The following TLCD4 variants were observed in gnomAD, a reference collection of about 807,000 sequenced individuals.
The protein encoded by TLCD4 is TLC domain containing 4.
A neutral mutation model predicts 24.2 loss-of-function variants in TLCD4; 7 were observed. The ratio of observed to expected loss-of-function variants is 0.29; its 90% CI spans 0.16 to 0.54. TLCD4 has a LOEUF of 0.54. Among genes scored for constraint, TLCD4 ranks in the 20% least tolerant of loss-of-function variants. The probability of loss-of-function intolerance (pLI) is 0.95; values close to 1 mark genes in which losing one functional copy is unlikely to be tolerated. For synonymous variants in TLCD4, 103 were observed against 106.4 expected, an observed-to-expected ratio of 0.97 and a Z score of 0.20; for missense variants, 259 against 313.9, an observed-to-expected ratio of 0.82 and a Z score of 1.32.
In TLCD4 at chr1:95,141,082, A is replaced by G. The variant is rs554019433; in HGVS notation, c.-11-2809A>G. ...TTAATGGAAGTCACAGCTTGAATATATGGAGCTCTTTATTTAGTTTTAAAT... is the reference window on the plus strand; with the variant it reads ...TTAATGGAAGTCACAGCTTGAATATGTGGAGCTCTTTATTTAGTTTTAAAT... On this transcript the variant is annotated intron_variant, in intron 1 of 6. Transcript: ENST00000370203. Among the ~76,000 whole-genome samples, 3 of 152,320 alleles carry G rather than the reference A, an allele frequency of 2.0e-5. No individual in the cohort carries two copies. The East Asian group carries it at 5.8e-4, about 29-fold the overall frequency.
chr1:95,093,157 C>T, the TLCD4 span, among the ~76,000 whole-genome samples: 6 of 152,314 alleles, frequency 3.9e-5, no homozygotes, highest in East Asian at 1.2e-3. Flanking sequence ...CCAACATCCA[C>T]TTCAATTTTT....
At position 95,153,291 on chromosome 1, in the gene TLCD4, G is replaced by A. The variant is rs532606445; in HGVS notation, c.399+1872G>A. Among the ~76,000 whole-genome samples, 5 of 151,868 alleles carry A rather than the reference G, an allele frequency of 3.3e-5. No homozygotes were observed. In the South Asian group the frequency reaches 1.0e-3, roughly 32 times the overall value. On this transcript the variant is annotated intron_variant, in intron 5 of 6. Coordinates refer to ENST00000370203, the MANE Select transcript of TLCD4 (RefSeq NM_152487.3). ...TTGTACACTTAAAAGTTGTCAAAAG[G>A]GTAAATTTTATGTCATATATATTTT... is the stretch of plus-strand genomic sequence containing the variant.
chr1:95,172,384 T>G (rs1454033848), intron 5 of TLCD4, among the ~76,000 whole-genome samples: 1 of 152,236 alleles, frequency 6.6e-6, no homozygotes, highest in East Asian at 1.9e-4. Flanking sequence ...AATAAATACC[T>G]ATTCTTCATA....
At chr1:95,180,505 T>A (rs998427557) in intron 6 of TLCD4, among the ~76,000 whole-genome samples, 1 of 152,178 alleles carries the variant, frequency 6.6e-6, no homozygotes, top group African/African-American at 2.4e-5. Context: ...GATATTTTTA[T>A]TTTCTCTCCA....
At chr1:95,130,631 A>G (rs1676865595) in intron 1 of TLCD4, among the ~76,000 whole-genome samples, 1 of 152,186 alleles carries the variant, frequency 6.6e-6, no homozygotes. Context: ...GGCTTGGTAA[A>G]TAGCTCATCT....
At chr1:95,099,485 T>A in the TLCD4 span, among the ~76,000 whole-genome samples, 4 of 151,234 alleles carry the variant, frequency 2.6e-5, no homozygotes, top group East Asian at 7.7e-4. Flanking sequence ...CTATTTTTAT[T>A]TATTATATCA....
intron 5 of TLCD4, chr1:95,163,357 C>T (rs1205584521): frequency 6.6e-6 from 1 of 152,116 alleles, no homozygotes; most frequent in African/African-American, 2.4e-5. Flanking sequence ...CATTGGGTAC[C>T]TGAGGTCTTC....
intron 2 of TLCD4, among the ~76,000 whole-genome samples, chr1:95,146,429 C>T (rs1042613399): frequency 1.3e-5 from 2 of 151,902 alleles, no homozygotes; most frequent in African/African-American, 4.8e-5. Flanking sequence ...TTTCTGTTGG[C>T]AATATTTACA....
chr1:95,129,897 C>T (rs1464070690), intron 1 of TLCD4, among the ~76,000 whole-genome samples: 5 of 152,178 alleles, frequency 3.3e-5, no homozygotes, highest in Non-Finnish European at 7.3e-5. Flanking sequence ...AGCTGGCTTC[C>T]TGTAGACTTT....
intron 5 of TLCD4, among the ~76,000 whole-genome samples, chr1:95,168,702 T>C (rs2100981496): frequency 6.6e-6 from 1 of 151,906 alleles, no homozygotes; most frequent in Admixed American, 6.6e-5. Context: ...GATAATCCTC[T>C]CTCCCACTCA....
chr1:95,168,886 A>C (rs987525332), intron 5 of TLCD4, among the ~76,000 whole-genome samples: 6 of 152,138 alleles, frequency 3.9e-5, no homozygotes, highest in African/African-American at 1.4e-4. Context: ...GGAGCTAAGT[A>C]CTCTCACAGA....
chr1:95,100,652 C>T, the TLCD4 span, among the ~76,000 whole-genome samples: 1 of 152,090 alleles, frequency 6.6e-6, no homozygotes, highest in Admixed American at 6.6e-5. Context: ...CATCTGATTC[C>T]TGCCTTTAAT....
chr1:95,175,156 T>C (rs1678377834), intron 6 of TLCD4, among the ~76,000 whole-genome samples: 1 of 152,220 alleles, frequency 6.6e-6, no homozygotes, highest in Non-Finnish European at 1.5e-5. Flanking sequence ...TAGAACTTTT[T>C]CATTTTGCAA....
chr1:95,184,655 C>A (rs774009950), intron 6 of TLCD4, among the ~76,000 whole-genome samples: 10 of 152,118 alleles, frequency 6.6e-5, no homozygotes, highest in Non-Finnish European at 1.2e-4. Flanking sequence ...TTAGTAATAA[C>A]AGTAAATGGT....
At chr1:95,146,292 C>G (rs1436617767) in intron 2 of TLCD4, among the ~76,000 whole-genome samples, 1 of 152,044 alleles carries the variant, frequency 6.6e-6, no homozygotes, top group African/African-American at 2.4e-5. Flanking sequence ...GGTGCTACAT[C>G]TTATAATGTA....
intron 6 of TLCD4, among the ~76,000 whole-genome samples, chr1:95,179,733 C>T (rs1678565852): frequency 6.6e-6 from 1 of 152,158 alleles, no homozygotes; most frequent in South Asian, 2.1e-4. Flanking sequence ...AAAATATGAG[C>T]TCTTCAGTGT....
chr1:95,190,505 T>C (rs748385433), intron 6 of TLCD4, among the ~76,000 whole-genome samples: 2 of 152,124 alleles, frequency 1.3e-5, no homozygotes, highest in Non-Finnish European at 2.9e-5. Flanking sequence ...ATTTTTGTAT[T>C]TTTAGTAGAG....
chr1:95,167,770 T>G (rs139028001), intron 5 of TLCD4, among the ~76,000 whole-genome samples: 367 of 152,328 alleles, frequency 2.4e-3, no homozygotes, highest in African/African-American at 8.5e-3. Context: ...GCAGAGCATA[T>G]GCTAAACCAT....
At position 95,148,874 on chromosome 1, in the gene TLCD4, A is replaced by G. The variant is rs368147745; in HGVS notation, c.245+83A>G. 13 of 1,531,408 alleles carry G rather than the reference A, an allele frequency of 8.5e-6. No individual in the cohort carries two copies. The African/African-American group carries it at 1.8e-4, about 21-fold the overall frequency. The allele number at this position is 1,531,408 out of a possible 1,614,324, so 94.9% of individuals were successfully genotyped here. The stretch of plus-strand genomic sequence containing the variant: ...TTATAAGAACATCACTTACTTTAAA[A>G]CAGAAAACATATTGATCGTATATGC... On this transcript the variant is annotated intron_variant, in intron 3 of 6. Transcript: ENST00000370203.
Sources: allele counts gnomAD v4.1 joint callset (sites outside exome capture counted in the v4.1 genomes callset), GRCh38; gene constraint gnomAD v4.1.1; transcripts MANE v1.5; gene names NCBI Gene and HGNC (gene_info 2026-07-23, HGNC 2026-07-21).